AKAP7: variants seen among roughly 807,000 people sequenced by gnomAD.
AKAP7 encodes A-kinase anchoring protein 7, also known as A kinase (PRKA) anchor protein 7.
In AKAP7, 39 loss-of-function variants were observed where a neutral mutation model predicts 39.5. The observed-to-expected ratio is 0.99, with a 90% CI of 0.76 to 1.29. The LOEUF (loss-of-function observed/expected upper bound fraction) is 1.29. Ranked by LOEUF, AKAP7 falls within the 50% of genes most tolerant of loss-of-function variation. The probability of loss-of-function intolerance (pLI) is 0.00; values close to 1 mark genes in which losing one functional copy is unlikely to be tolerated. For synonymous variants in AKAP7, 140 were observed against 139.1 expected, an observed-to-expected ratio of 1.01 and a Z score of -0.05; for missense variants, 414 against 407.7, an observed-to-expected ratio of 1.02 and a Z score of -0.13.
At chr6:131,247,583 G>C (rs1382172350) in intron 7 of AKAP7, among the ~76,000 whole-genome samples, 3 of 151,480 alleles carry the variant, frequency 2.0e-5, no homozygotes, top group Non-Finnish European at 4.4e-5. Flanking sequence ...GCCTCCTGAA[G>C]TGCTGGGATT....
intron 6 of AKAP7, among the ~76,000 whole-genome samples, chr6:131,209,610 A>T (rs1411308207): frequency 1.3e-5 from 2 of 152,196 alleles, no homozygotes; most frequent in African/African-American, 4.8e-5. Context: ...ATATTAAAAG[A>T]TGCAGTATCA....
At chr6:131,248,462 A>G (rs755301584) in intron 7 of AKAP7, among the ~76,000 whole-genome samples, 20 of 152,354 alleles carry the variant, frequency 1.3e-4, no homozygotes, top group Non-Finnish European at 2.2e-4. Flanking sequence ...TCTTCACTGA[A>G]CACAAAAAGT....
chr6:131,237,734 G>A (rs1304246575), intron 7 of AKAP7, among the ~76,000 whole-genome samples: 3 of 152,184 alleles, frequency 2.0e-5, no homozygotes, highest in Non-Finnish European at 4.4e-5. Flanking sequence ...TTGTATTTCT[G>A]TGGGATCAGC....
At chr6:131,147,524 A>G (rs1317309504) in intron 2 of AKAP7, among the ~76,000 whole-genome samples, 1 of 152,256 alleles carries the variant, frequency 6.6e-6, no homozygotes, top group Non-Finnish European at 1.5e-5. Flanking sequence ...AAGAATTTTC[A>G]TACCTGTTAA....
At chr6:131,241,042 C>T (rs1466957267) in intron 7 of AKAP7, among the ~76,000 whole-genome samples, 6 of 152,152 alleles carry the variant, frequency 3.9e-5, no homozygotes, top group Non-Finnish European at 8.8e-5. Context: ...TGGAGCTGTT[C>T]CTATTTGGCC....
chr6:131,214,185 T>C (rs1808937698), intron 6 of AKAP7, among the ~76,000 whole-genome samples: 1 of 152,142 alleles, frequency 6.6e-6, no homozygotes, highest in Non-Finnish European at 1.5e-5. Context: ...CAGCACTTCT[T>C]AAAAGTTTTA....
intron 5 of AKAP7, among the ~76,000 whole-genome samples, chr6:131,170,275 T>TA (rs1803915498): frequency 6.9e-6 from 1 of 144,900 alleles, no homozygotes; most frequent in African/African-American, 2.6e-5. Flanking sequence ...TGTGCACATG[T>TA]ACCCTAAAAC....
chr6:131,127,666 A>G, the AKAP7 span, among the ~76,000 whole-genome samples: 1 of 152,218 alleles, frequency 6.6e-6, no homozygotes, highest in African/African-American at 2.4e-5. Flanking sequence ...TGTTTTCAGT[A>G]TATATGACAA....
At chr6:131,184,417 A>C (rs1181744061) in intron 5 of AKAP7, 2 of 660,204 alleles carry the variant, frequency 3.0e-6, no homozygotes, top group Non-Finnish European at 5.8e-6. Flanking sequence ...GGGGGCTCAG[A>C]TATGGACGGA....
chr6:131,206,501 G>A (rs368624309), intron 6 of AKAP7, among the ~76,000 whole-genome samples: 1 of 152,092 alleles, frequency 6.6e-6, no homozygotes, highest in Admixed American at 6.5e-5. Flanking sequence ...AGAGGATATA[G>A]GACAGTCATT....
chr6:131,132,798 T>TA (rs1800355872), upstream of AKAP7, among the ~76,000 whole-genome samples: 1 of 152,238 alleles, frequency 6.6e-6, no homozygotes, highest in Non-Finnish European at 1.5e-5. Flanking sequence ...GCAGTGATGA[T>TA]ATAGCTTTCA....
intron 2 of AKAP7, among the ~76,000 whole-genome samples, chr6:131,145,725 A>G (rs1801430248): frequency 6.6e-6 from 1 of 151,326 alleles, no homozygotes; most frequent in South Asian, 2.1e-4. Context: ...CTACATTTTT[A>G]TTTTTCTTTG....
At chr6:131,249,360 C>T (rs1005541239) in intron 7 of AKAP7, among the ~76,000 whole-genome samples, 9 of 151,824 alleles carry the variant, frequency 5.9e-5, no homozygotes, top group South Asian at 2.1e-4. Flanking sequence ...TTTTTTAATG[C>T]GACAAATATA....
intron 1 of AKAP7, 111 bp downstream of exon 1, chr6:131,135,893 C>T: frequency 8.8e-7 from 1 of 1,140,294 alleles, no homozygotes; most frequent in Non-Finnish European, 1.1e-6. Context: ...GGCCCTTCTC[C>T]GAGTCTCCCT....
chr6:131,217,167 A>C (rs1809264278), intron 6 of AKAP7, among the ~76,000 whole-genome samples: 1 of 152,156 alleles, frequency 6.6e-6, no homozygotes, highest in African/African-American at 2.4e-5. Flanking sequence ...TTTAGCTTTA[A>C]AATATAATCT....
intron 7 of AKAP7, among the ~76,000 whole-genome samples, chr6:131,221,323 G>C (rs1003896275): frequency 6.6e-6 from 1 of 152,218 alleles, no homozygotes; most frequent in African/African-American, 2.4e-5. Context: ...GGTGAGCAAG[G>C]TGCAGAAGAA....
intron 5 of AKAP7, among the ~76,000 whole-genome samples, chr6:131,188,978 C>T (rs1359774481): frequency 6.6e-6 from 1 of 152,186 alleles, no homozygotes; most frequent in Non-Finnish European, 1.5e-5. Flanking sequence ...GAATTGAATA[C>T]ATTTAACCTA....
At chr6:131,189,600 T>G (rs1257465665) in intron 5 of AKAP7, among the ~76,000 whole-genome samples, 1 of 152,164 alleles carries the variant, frequency 6.6e-6, no homozygotes, top group Non-Finnish European at 1.5e-5. Flanking sequence ...TTATGTAAAT[T>G]TATTGCTGCT....
intron 1 of AKAP7, 133 bp downstream of exon 1, chr6:131,135,915 G>A: frequency 1.9e-6 from 2 of 1,045,666 alleles, no homozygotes; most frequent in Non-Finnish European, 1.2e-6. Flanking sequence ...CTTCCCAAAA[G>A]GACTCAGGGT....
Sources: gnomAD v4.1 joint callset for allele counts (sites outside exome capture counted in the v4.1 genomes callset) on GRCh38, gnomAD v4.1.1 for gene constraint, MANE v1.5 for transcripts, NCBI Gene and HGNC (gene_info 2026-07-23, HGNC 2026-07-21) for gene names.